The following CCDC85A variants were observed in gnomAD, a reference collection of about 807,000 sequenced individuals.
CCDC85A encodes coiled-coil domain-containing protein 85A.
Under a neutral mutation model 50.2 loss-of-function variants are expected in CCDC85A, and 38 were observed. That is an observed-to-expected ratio of 0.76 (90% CI 0.58 to 0.99). The LOEUF (loss-of-function observed/expected upper bound fraction) is 0.99, where lower values mean the gene tolerates loss of function less well. CCDC85A is among the 50% of genes least tolerant of loss of function. The pLI is 0.00. For synonymous variants in CCDC85A, 366 were observed against 301.4 expected (o/e 1.21, Z -2.22); for missense variants, 820 against 742.0 (o/e 1.11, Z -1.22).
intron 2 of CCDC85A, among the ~76,000 whole-genome samples, chr2:56,197,445 G>A (rs1299070841): frequency 6.6e-6 from 1 of 152,140 alleles, no homozygotes; most frequent in Non-Finnish European, 1.5e-5. Context: ...CAATCTAGCT[G>A]CAGATTAAAA....
At chr2:56,274,464 G>C (rs1670838132) in intron 2 of CCDC85A, among the ~76,000 whole-genome samples, 2 of 152,158 alleles carry the variant, frequency 1.3e-5, no homozygotes, top group Non-Finnish European at 2.9e-5. Flanking sequence ...GGCTCAGGTA[G>C]GGTTTCTGTG....
Position 56,193,416 on chromosome 2 carries a change from C to T in CCDC85A, c.1216C>T (p.Arg406Trp), listed in dbSNP as rs114846283. 6.8e-6 allele frequency: 11 copies of T among 1,608,922 alleles called. No individual in the cohort carries two copies. The highest frequency in any genetic ancestry group is 4.5e-5 in the East Asian group (2 of 44,766). The change falls in exon 2 of 6, where the codon CGG becomes TGG. Residue 406 changes from arginine to tryptophan, a missense_variant. Physicochemically the swap from Arg to Trp is moderately radical, Grantham distance 101. Coordinates refer to ENST00000407595, the MANE Select transcript of CCDC85A (RefSeq NM_001080433.2). The part of the protein sequence containing the change: ...QAQEDGSPHH[R>W]NVYSGMNEST... Reference sequence around the variant, plus strand: ...ACAGGAGGACGGGTCACCCCATCACCGGAATGTCTACAGTGGCATGAACGG... The same window carrying T: ...ACAGGAGGACGGGTCACCCCATCACTGGAATGTCTACAGTGGCATGAACGG...
chr2:56,304,514 T>C (rs1459689723), intron 2 of CCDC85A, among the ~76,000 whole-genome samples: 1 of 152,150 alleles, frequency 6.6e-6, no homozygotes, highest in Non-Finnish European at 1.5e-5. Flanking sequence ...GCATCTGTGC[T>C]GGTGGCAGAA....
At chr2:56,289,152 T>C (rs1171166239) in intron 2 of CCDC85A, among the ~76,000 whole-genome samples, 2 of 152,174 alleles carry the variant, frequency 1.3e-5, no homozygotes, top group Non-Finnish European at 2.9e-5. Context: ...ACAGGACCCA[T>C]GATTTCTTAT....
chr2:56,337,985 A>C (rs1434723359), intron 2 of CCDC85A, among the ~76,000 whole-genome samples: 1 of 151,886 alleles, frequency 6.6e-6, no homozygotes, highest in East Asian at 1.9e-4. Flanking sequence ...GGGTTTCACC[A>C]TGTTGGCCAG....
At chr2:56,241,436 C>A (rs1382585531) in intron 2 of CCDC85A, among the ~76,000 whole-genome samples, 1 of 152,034 alleles carries the variant, frequency 6.6e-6, no homozygotes, top group Non-Finnish European at 1.5e-5. Flanking sequence ...TTTCTATTTT[C>A]TTGTGCCCAT....
At chr2:56,218,912 A>G (rs1312018360) in intron 2 of CCDC85A, among the ~76,000 whole-genome samples, 1 of 151,792 alleles carries the variant, frequency 6.6e-6, no homozygotes, top group Admixed American at 6.6e-5. Context: ...AAAATATATT[A>G]CTGAAATGAG....
rs116103263 is a variant in CCDC85A, at chr2:56,197,009, G to C, written c.1240+3569G>C. Among the ~76,000 whole-genome samples, 247 of 152,258 alleles carry C rather than the reference G, an allele frequency of 1.6e-3. 1 individual carries two copies. Among genetic ancestry groups the C allele is most frequent in the African/African-American group, 5.9e-3 (245 of 41,546 alleles). On this transcript the variant is annotated intron_variant, in intron 2 of 5. Coordinates refer to ENST00000407595, the MANE Select transcript of CCDC85A (RefSeq NM_001080433.2). ...CCTTAAACATCACTCCAGCCAATGAGAGCAAGCATGAGGAAATCATTCACC... is the reference window on the plus strand; with the variant it reads ...CCTTAAACATCACTCCAGCCAATGACAGCAAGCATGAGGAAATCATTCACC...
In CCDC85A at chr2:56,342,968, C is replaced by A; in HGVS notation, c.1317+13C>A. On this transcript the variant is annotated intron_variant, in intron 3 of 5. Coordinates refer to ENST00000407595, the MANE Select transcript of CCDC85A (RefSeq NM_001080433.2). The stretch of plus-strand genomic sequence containing the variant: ...CATGCTGCCCCAGGTGGGTGACTTC[C>A]AGAAGCTCATAGCTAGTCAGTGCCA... 1 of 1,571,778 alleles carries A rather than the reference C, an allele frequency of 6.4e-7. No individual in the cohort carries two copies. The highest frequency in any genetic ancestry group is 8.7e-7 in the Non-Finnish European group (1 of 1,153,964).
intron 2 of CCDC85A, among the ~76,000 whole-genome samples, chr2:56,303,526 T>G (rs965100562): frequency 6.6e-6 from 1 of 152,036 alleles, no homozygotes; most frequent in African/African-American, 2.4e-5. Context: ...CCTGGTAGAA[T>G]AAGTAGGCAT....
intron 4 of CCDC85A, among the ~76,000 whole-genome samples, chr2:56,373,610 A>G (rs758731603): frequency 6.6e-6 from 1 of 152,188 alleles, no homozygotes; most frequent in Non-Finnish European, 1.5e-5. Flanking sequence ...GAACATTTGA[A>G]GCAGAAAGGC....
At chr2:56,215,822 T>G (rs1433356444) in intron 2 of CCDC85A, among the ~76,000 whole-genome samples, 1 of 151,930 alleles carries the variant, frequency 6.6e-6, no homozygotes, top group East Asian at 1.9e-4. Context: ...ATTTAGCCTG[T>G]TGCCTGTTTT....
intron 3 of CCDC85A, among the ~76,000 whole-genome samples, chr2:56,364,740 C>G (rs1188830777): frequency 6.6e-6 from 1 of 152,230 alleles, no homozygotes; most frequent in African/African-American, 2.4e-5. Flanking sequence ...TTCAACCTCA[C>G]TGCCTACATT....
chr2:56,264,815 C>T lies in CCDC85A; in HGVS notation c.1240+71375C>T, dbSNP rs1034537490. Reference sequence around the variant, plus strand: ...ACCTCCCAGCATGCTCCACCTCACTCATTCCTCTCCAGGCCATCTTTGCAT... The same window carrying T: ...ACCTCCCAGCATGCTCCACCTCACTTATTCCTCTCCAGGCCATCTTTGCAT... On this transcript the variant is annotated intron_variant, in intron 2 of 5. Transcript: ENST00000407595. 2.0e-5 allele frequency among the ~76,000 whole-genome samples: 3 copies of T among 152,292 alleles called. No homozygotes were observed. In the South Asian group the frequency reaches 6.2e-4, roughly 32 times the overall value.
intron 2 of CCDC85A, among the ~76,000 whole-genome samples, chr2:56,267,786 C>T (rs1001723209): frequency 1.3e-5 from 2 of 152,130 alleles, no homozygotes; most frequent in Admixed American, 1.3e-4. Flanking sequence ...ATTACACTTA[C>T]AATAAAAACT....
intron 1 of CCDC85A, among the ~76,000 whole-genome samples, chr2:56,189,679 A>G (rs1676216149): frequency 6.6e-6 from 1 of 152,164 alleles, no homozygotes; most frequent in African/African-American, 2.4e-5. Flanking sequence ...GGTATGATTA[A>G]TCCCATCTTC....
At chr2:56,288,662 C>G (rs1290792756) in intron 2 of CCDC85A, among the ~76,000 whole-genome samples, 9 of 151,852 alleles carry the variant, frequency 5.9e-5, no homozygotes. Context: ...ATTTCATCTC[C>G]TGGGGCCCTG....
Position 56,184,564 on chromosome 2 carries a change from C to A in CCDC85A, c.-61C>A, listed in dbSNP as rs1675908852. ...TGGGCGGAGGCGGCCTCGCCGCGCC[C>A]GCGCCTTCGGGAGTCGCCTCGCCTC... On this transcript the variant is annotated 5_prime_UTR_variant, in exon 1 of 6. Coordinates refer to ENST00000407595, the MANE Select transcript of CCDC85A (RefSeq NM_001080433.2). The A allele has an allele frequency of 7.4e-6, 10 of 1,360,426 alleles. No individual in the cohort carries two copies. Among genetic ancestry groups the A allele is most frequent in the African/African-American group, 1.5e-5 (1 of 64,734 alleles). The allele number at this position is 1,360,426 out of a possible 1,614,324, so 84.3% of individuals were successfully genotyped here.
At chr2:56,262,227 A>G (rs1314329231) in intron 2 of CCDC85A, among the ~76,000 whole-genome samples, 2 of 152,056 alleles carry the variant, frequency 1.3e-5, no homozygotes, top group Non-Finnish European at 2.9e-5. Flanking sequence ...GCCTTAATTG[A>G]GGTGTAGATA....
Sources: allele counts gnomAD v4.1 joint callset (sites outside exome capture counted in the v4.1 genomes callset), GRCh38; gene constraint gnomAD v4.1.1; transcripts MANE v1.5; gene names NCBI Gene and HGNC (gene_info 2026-07-23, HGNC 2026-07-21).